The following MILR1 variants were observed in gnomAD, a reference collection of about 807,000 sequenced individuals.
The protein encoded by MILR1 is mast cell immunoglobulin like receptor 1, also known as allergin-1.
A neutral mutation model predicts 18.5 loss-of-function variants in MILR1; 31 were observed. The observed-to-expected ratio is 1.68, with a 90% CI of 1.26 to 2.26. MILR1 has a LOEUF of 2.26. Ranked by LOEUF, MILR1 falls within the 30% of genes most tolerant of loss-of-function variation. The pLI is 0.00. For missense variants in MILR1, 257 were observed against 157.4 expected (o/e 1.63, Z -3.38); for synonymous variants, 85 against 56.2 (o/e 1.51, Z -2.30).
At chr17:64,495,177 CAAA>C in the MILR1 span, among the ~76,000 whole-genome samples, 3 of 119,330 alleles carry the variant, frequency 2.5e-5, no homozygotes, top group Admixed American at 1.7e-4. Context: ...GACTCTGTCT[CAAA>C]AAAAAAAAAA....
chr17:64,449,293 C>T (rs1320824831), intron 1 of MILR1, 21 bp from the exon 2 acceptor site: 53 of 473,394 alleles, frequency 1.1e-4, no homozygotes, highest in South Asian at 5.5e-4. Context: ...TGAGCTTTAT[C>T]GTGTTCCTTT....
At chr17:64,451,445 A>G (rs2037168742) in intron 2 of MILR1, among the ~76,000 whole-genome samples, 1 of 151,986 alleles carries the variant, frequency 6.6e-6, no homozygotes, top group African/African-American at 2.4e-5. Flanking sequence ...CTGGCCAATC[A>G]TTTTTAAACT....
At chr17:64,496,533 T>C in the MILR1 span, 2 of 1,613,704 alleles carry the variant, frequency 1.2e-6, no homozygotes, top group Non-Finnish European at 1.7e-6. Flanking sequence ...GAAACTAACC[T>C]GAAGGCACTG....
chr17:64,466,321 G>A, intron 6 of MILR1, 121 bp from the exon 7 acceptor site: 2 of 795,598 alleles, frequency 2.5e-6, no homozygotes, highest in Admixed American at 2.0e-5. Flanking sequence ...CCTATCATCA[G>A]CTGACAATGG....
the MILR1 span, among the ~76,000 whole-genome samples, chr17:64,490,064 A>G: frequency 2.6e-5 from 4 of 152,154 alleles, no homozygotes; most frequent in South Asian, 6.2e-4. Context: ...AGCTGAGACT[A>G]TAAGGGCAAG....
intron 5 of MILR1, among the ~76,000 whole-genome samples, 184 bp from the exon 6 acceptor site, chr17:64,465,268 T>C (rs1350122831): frequency 1.3e-5 from 2 of 152,208 alleles, no homozygotes; most frequent in Non-Finnish European, 2.9e-5. Flanking sequence ...GCCCCTGGCT[T>C]GGAGGAGCGG....
chr17:64,485,931 G>C, the MILR1 span: 1 of 1,549,546 alleles, frequency 6.5e-7, no homozygotes, highest in Non-Finnish European at 8.9e-7. Flanking sequence ...GTTTGTTTTT[G>C]AGACGGAGTC....
the MILR1 span, among the ~76,000 whole-genome samples, chr17:64,489,931 G>GTTT: frequency 1.4e-5 from 2 of 143,442 alleles, no homozygotes; most frequent in Non-Finnish European, 1.5e-5. Context: ...TAATTTTTTT[G>GTTT]TTTTTTTTTT....
chr17:64,458,156 CCCTT>C (rs1426588451), intron 4 of MILR1, among the ~76,000 whole-genome samples: 21 of 149,488 alleles, frequency 1.4e-4, no homozygotes, highest in African/African-American at 3.2e-4. Context: ...GCCTTTCTTT[CCCTT>C]CCTTCCTTCC....
chr17:64,477,659 A>G, the MILR1 span: 1 of 850,476 alleles, frequency 1.2e-6, no homozygotes, highest in Non-Finnish European at 1.7e-6. Flanking sequence ...TTGTAGCTGA[A>G]CATATTCCTG....
rs2037200384 is a variant in MILR1 at position 64,452,674 on chromosome 17, A to G, written c.175A>G (p.Lys59Glu). The G allele has an allele frequency of 8.5e-6, 4 of 472,070 alleles. No homozygotes were observed. In the Admixed American group the frequency reaches 1.3e-4, roughly 15 times the overall value. 29.2% of individuals were successfully genotyped at this position (472,070 alleles called of 1,614,324 possible). ...GQNVSMFCSH[K>E]NKSLQITYSL... is the part of the protein sequence containing the mutation. ...AAATGTATCTATGTTTTGTTCCCATAAGAACAAATCACTGCAGATCACCTA... is the reference window on the plus strand; with the variant it reads ...AAATGTATCTATGTTTTGTTCCCATGAGAACAAATCACTGCAGATCACCTA... Residue 59 changes from lysine (K) to glutamate (E), a missense_variant, in exon 3 of 10, where the codon AAG (lysine) becomes GAG (glutamate). Coordinates refer to ENST00000619286, the MANE Select transcript of MILR1 (RefSeq NM_001085423.2).
chr17:64,484,496 G>A, the MILR1 span, among the ~76,000 whole-genome samples: 2 of 152,164 alleles, frequency 1.3e-5, no homozygotes, highest in Non-Finnish European at 2.9e-5. Context: ...AGCTTTCCTG[G>A]AGTGTTCTGA....
At chr17:64,480,522 AATGTTT>A in the MILR1 span, 10 of 522,224 alleles carry the variant, frequency 1.9e-5, no homozygotes, top group Non-Finnish European at 3.3e-5. Flanking sequence ...ATGTGATGTT[AATGTTT>A]ATAACTTCCA....
At chr17:64,489,271 A>G in the MILR1 span, among the ~76,000 whole-genome samples, 91 of 151,792 alleles carry the variant, frequency 6.0e-4, no homozygotes, top group Non-Finnish European at 9.9e-4. Flanking sequence ...GTGAAATACC[A>G]ATTTAAAAAA....
chr17:64,480,443 G>A, the MILR1 span: 27 of 858,612 alleles, frequency 3.1e-5, no homozygotes, highest in Non-Finnish European at 4.5e-5. Context: ...TAGCTAGAGT[G>A]ATTATTCTAT....
At chr17:64,479,807 AG>A in the MILR1 span, among the ~76,000 whole-genome samples, 10 of 152,204 alleles carry the variant, frequency 6.6e-5, no homozygotes, top group African/African-American at 2.4e-4. Flanking sequence ...AGAATGAGGA[AG>A]AGGGAGGAGT....
chr17:64,496,833 A>C, the MILR1 span: 3 of 1,613,530 alleles, frequency 1.9e-6, no homozygotes, highest in Non-Finnish European at 2.5e-6. Context: ...TCCGCGTGCG[A>C]CTTCACATGC....
At chr17:64,476,315 A>G in the MILR1 span, among the ~76,000 whole-genome samples, 1 of 152,104 alleles carries the variant, frequency 6.6e-6, no homozygotes, top group Admixed American at 6.6e-5. Flanking sequence ...TAATGTGATA[A>G]TAGTGTGGTT....
chr17:64,483,696 G>T, the MILR1 span, among the ~76,000 whole-genome samples: 1 of 149,488 alleles, frequency 6.7e-6, no homozygotes, highest in Admixed American at 6.7e-5. Context: ...TTTTTTGAAT[G>T]AAAAAAATTT....
Sources: gnomAD v4.1 joint callset for allele counts (sites outside exome capture counted in the v4.1 genomes callset) on GRCh38, gnomAD v4.1.1 for gene constraint, MANE v1.5 for transcripts, NCBI Gene and HGNC (gene_info 2026-07-23, HGNC 2026-07-21) for gene names.